RNF150: variants seen among roughly 807,000 people sequenced by gnomAD.
RNF150 encodes the protein ring finger protein 150.
In RNF150, 24 loss-of-function variants were observed where a neutral mutation model predicts 39.3. That is an observed-to-expected ratio of 0.61 (90% confidence interval 0.44 to 0.86). RNF150 has a LOEUF of 0.86. RNF150 is among the 40% of genes least tolerant of loss of function. RNF150 has a pLI of 0.00. For synonymous variants in RNF150, 255 were observed against 227.3 expected (o/e 1.12, Z -1.10); for missense variants, 502 against 587.8 (o/e 0.85, Z 1.51).
chr4:141,136,863 A>G (rs1289077397), upstream of RNF150, among the ~76,000 whole-genome samples: 1 of 152,236 alleles, frequency 6.6e-6, no homozygotes, highest in Non-Finnish European at 1.5e-5. Flanking sequence ...CCTATGTCAC[A>G]TAAGGTATTT....
At chr4:141,201,101 C>CGTTACTCTGT (rs57295947) in intron 1 of RNF150, among the ~76,000 whole-genome samples, 43,716 of 151,732 alleles carry the variant, frequency 0.29, 6,645 homozygotes, top group African/African-American at 0.39. Flanking sequence ...CAGATCTTTA[C>CGTTACTCTGT]CAATCTTTAC....
chr4:141,107,638 A>G (rs1238021320), intron 1 of RNF150, among the ~76,000 whole-genome samples: 1 of 152,204 alleles, frequency 6.6e-6, no homozygotes, highest in Non-Finnish European at 1.5e-5. Context: ...GATACATGCA[A>G]GTTGTCATGA....
intron 1 of RNF150, among the ~76,000 whole-genome samples, chr4:140,972,529 T>C (rs1733505741): frequency 6.6e-6 from 1 of 152,190 alleles, no homozygotes. Flanking sequence ...TATTGGGCCT[T>C]TCTTCCTTCT....
At chr4:141,095,499 A>G (rs187346447) in intron 1 of RNF150, among the ~76,000 whole-genome samples, 166 of 152,372 alleles carry the variant, frequency 1.1e-3, no homozygotes, top group African/African-American at 3.9e-3. Context: ...TGTTCATGCA[A>G]TGAATATCCT....
At chr4:141,200,906 T>A (rs1728279656) in intron 1 of RNF150, among the ~76,000 whole-genome samples, 1 of 152,142 alleles carries the variant, frequency 6.6e-6, no homozygotes, top group Admixed American at 6.6e-5. Context: ...GTACCATATG[T>A]ATTGGGAATT....
At chr4:140,885,942 T>G (rs1729556607) in intron 6 of RNF150, among the ~76,000 whole-genome samples, 1 of 152,004 alleles carries the variant, frequency 6.6e-6, no homozygotes, top group African/African-American at 2.4e-5. Context: ...AGTATGTACA[T>G]CTCTTTGGGA....
At chr4:140,982,065 A>T (rs1268421619) in intron 1 of RNF150, among the ~76,000 whole-genome samples, 1 of 152,170 alleles carries the variant, frequency 6.6e-6, no homozygotes, top group Non-Finnish European at 1.5e-5. Flanking sequence ...CTATTATTAC[A>T]ATCACCTTGA....
chr4:141,188,957 C>T (rs1039899730), intron 1 of RNF150, among the ~76,000 whole-genome samples: 4 of 152,202 alleles, frequency 2.6e-5, no homozygotes, highest in Admixed American at 6.5e-5. Context: ...GGAAAAGAGG[C>T]ATTCTGATTT....
intron 1 of RNF150, among the ~76,000 whole-genome samples, chr4:141,098,118 A>G (rs1738868858): frequency 1.3e-5 from 2 of 152,212 alleles, no homozygotes; most frequent in Admixed American, 1.3e-4. Flanking sequence ...ATCTACAGCC[A>G]ATTTCCTGCC....
intron 1 of RNF150, among the ~76,000 whole-genome samples, chr4:140,997,404 T>C (rs112329263): frequency 0.076 from 11,515 of 152,000 alleles, 495 homozygotes; most frequent in Middle Eastern, 0.16. Context: ...GGGTGGATCA[T>C]GAGGTCAGGA....
At chr4:141,072,913 C>T (rs1326787803) in intron 1 of RNF150, among the ~76,000 whole-genome samples, 1 of 152,082 alleles carries the variant, frequency 6.6e-6, no homozygotes, top group Non-Finnish European at 1.5e-5. Context: ...AATCACTATG[C>T]TTTCTACACT....
Position 141,114,459 on chromosome 4 carries a change from G to C in RNF150, c.484+17866C>G, listed in dbSNP as rs1739484272. Among the ~76,000 whole-genome samples the C allele has an allele frequency of 1.3e-5, 2 of 152,176 alleles. 1 individual carries two copies. Among genetic ancestry groups the C allele is most frequent in the South Asian group, 4.2e-4 (2 of 4,808 alleles). On this transcript the variant is annotated intron_variant, in intron 1 of 6. Transcript: ENST00000515673. ...CCTCCCAAGACTAAATCAGGAAGAA[G>C]TCAAATCCCTGAATAGACCAATAAC...
chr4:141,204,043 T>A (rs1728336803), intron 1 of RNF150, among the ~76,000 whole-genome samples: 1 of 152,126 alleles, frequency 6.6e-6, no homozygotes. Context: ...CAGCTCATTG[T>A]GGATAAAGAC....
intron 1 of RNF150, among the ~76,000 whole-genome samples, chr4:141,099,395 A>G (rs1412636776): frequency 6.6e-6 from 1 of 152,096 alleles, no homozygotes; most frequent in Non-Finnish European, 1.5e-5. Context: ...ATCAAAAGGC[A>G]TTTTTCTGGC....
chr4:141,000,007 AGAAGAAG>A lies in RNF150; in HGVS notation c.485-32141_485-32135del, dbSNP rs1734563578. On this transcript the variant is annotated intron_variant, in intron 1 of 6. Coordinates refer to ENST00000515673, the MANE Select transcript of RNF150 (RefSeq NM_020724.2). Reference sequence around the variant, plus strand: ...AGAAAAGAAGAAAAGAAGAAGAAGAAGAAGAAGAAGAAGAAGAAGAAGAAGAAGAAGA... The same window carrying A: ...AGAAAAGAAGAAAAGAAGAAGAAGAAAAGAAGAAGAAGAAGAAGAAGAAGA... 5.7e-5 allele frequency among the ~76,000 whole-genome samples: 2 copies of A among 35,334 alleles called. 1 individual carries two copies. Among genetic ancestry groups the A allele is most frequent in the African/African-American group, 1.9e-4 (2 of 10,670 alleles). 23.2% of individuals were successfully genotyped at this position (35,334 alleles called of 152,430 possible).
intron 1 of RNF150, among the ~76,000 whole-genome samples, chr4:141,154,069 G>A (rs1322504847): frequency 5.9e-5 from 9 of 152,154 alleles, no homozygotes; most frequent in East Asian, 1.9e-4. Flanking sequence ...TACTAAATGA[G>A]TCCATATATG....
At chr4:141,070,977 C>CA (rs1156745121) in intron 1 of RNF150, among the ~76,000 whole-genome samples, 1 of 129,154 alleles carries the variant, frequency 7.7e-6, no homozygotes, top group Non-Finnish European at 1.7e-5. Flanking sequence ...GACTTGGAAC[C>CA]AACCCAAATG....
chr4:141,073,790 GT>G (rs565044829), intron 1 of RNF150, among the ~76,000 whole-genome samples: 13 of 152,248 alleles, frequency 8.5e-5, no homozygotes, highest in Middle Eastern at 6.8e-3. Context: ...ATAAGGAAGG[GT>G]GGAGATGACA....
intron 1 of RNF150, among the ~76,000 whole-genome samples, chr4:141,146,785 T>A (rs354939): frequency 0.7 from 107,072 of 152,110 alleles, 39,261 homozygotes; most frequent in East Asian, 0.97. Context: ...TCAAGGCAAC[T>A]TTGTTATCTC....
Sources: allele counts gnomAD v4.1 joint callset (sites outside exome capture counted in the v4.1 genomes callset), GRCh38; gene constraint gnomAD v4.1.1; transcripts MANE v1.5; gene names NCBI Gene and HGNC (gene_info 2026-07-23, HGNC 2026-07-21).